Variants in PCGF6 observed in about 807,000 individuals in gnomAD.
The protein encoded by PCGF6 is polycomb group RING finger protein 6.
A neutral mutation model predicts 45.5 loss-of-function variants in PCGF6; 24 were observed. The ratio of observed to expected loss-of-function variants is 0.53; its 90% CI spans 0.38 to 0.74. The LOEUF (loss-of-function observed/expected upper bound fraction) is 0.74, where lower values mean the gene tolerates loss of function less well. Ranked by LOEUF, PCGF6 falls within the 30% of genes least tolerant of loss-of-function variation. The pLI, the probability that PCGF6 is intolerant of heterozygous loss-of-function variation, is 0.00. For synonymous variants in PCGF6, 152 were observed against 162.1 expected, an observed-to-expected ratio of 0.94 and a Z score of 0.47; for missense variants, 356 against 443.2, an observed-to-expected ratio of 0.80 and a Z score of 1.77.
At chr10:103,317,757 T>C (rs2093181345) in intron 8 of PCGF6, among the ~76,000 whole-genome samples, 1 of 151,442 alleles carries the variant, frequency 6.6e-6, no homozygotes, top group South Asian at 2.1e-4. Context: ...TCAGTTTCTT[T>C]TTTCTGTTTT....
intron 8 of PCGF6, among the ~76,000 whole-genome samples, chr10:103,320,381 A>C (rs546768228): frequency 6.6e-6 from 1 of 152,290 alleles, no homozygotes; most frequent in East Asian, 1.9e-4. Context: ...AAATGAACTT[A>C]AATCTTTCTT....
chr10:103,315,968 ATGTGTGTGTGTG>A (rs755606997), intron 8 of PCGF6, among the ~76,000 whole-genome samples: 48 of 118,962 alleles, frequency 4.0e-4, no homozygotes, highest in African/African-American at 9.4e-4. Context: ...AACAGCTTAT[ATGTGTGTGTGTG>A]TGTGTGTGTG....
At chr10:103,310,646 G>T (rs2093153961) in intron 9 of PCGF6, among the ~76,000 whole-genome samples, 1 of 151,874 alleles carries the variant, frequency 6.6e-6, no homozygotes, top group Non-Finnish European at 1.5e-5. Context: ...TTGAGCAGTT[G>T]TTCCATTGAG....
chr10:103,306,471 G>C (rs977967509), intron 9 of PCGF6, among the ~76,000 whole-genome samples: 3 of 152,108 alleles, frequency 2.0e-5, no homozygotes, highest in Admixed American at 6.6e-5. Context: ...AAGGTCATTG[G>C]GAAATGTGCC....
chr10:103,336,327 ATTATT>A (rs1259799324), intron 6 of PCGF6, among the ~76,000 whole-genome samples: 1 of 151,308 alleles, frequency 6.6e-6, no homozygotes, highest in Non-Finnish European at 1.5e-5. Context: ...TAAATGATAT[ATTATT>A]TTATATGAAA....
At chr10:103,343,904 C>T (rs1193885633) in intron 6 of PCGF6, among the ~76,000 whole-genome samples, 1 of 147,520 alleles carries the variant, frequency 6.8e-6, no homozygotes, top group East Asian at 2.0e-4. Context: ...AGGAACATAC[C>T]CTAAGACTCA....
At chr10:103,313,855 A>G (rs2093165660) in intron 9 of PCGF6, among the ~76,000 whole-genome samples, 1 of 152,164 alleles carries the variant, frequency 6.6e-6, no homozygotes, top group Non-Finnish European at 1.5e-5. Context: ...TTTAGAATCA[A>G]ACTGCCTAGA....
intron 8 of PCGF6, 107 bp from the exon 9 acceptor site, chr10:103,314,379 T>C (rs1249240499): frequency 7.0e-6 from 5 of 713,746 alleles, no homozygotes; most frequent in Non-Finnish European, 1.2e-5. Context: ...GATTTTGTAA[T>C]TTTATTTTAG....
chr10:103,338,277 C>T (rs138962841), intron 6 of PCGF6, among the ~76,000 whole-genome samples: 1,929 of 151,814 alleles, frequency 0.013, 55 homozygotes, highest in African/African-American at 0.045. Context: ...GGTGCAGTGG[C>T]TCATGCCTCT....
At chr10:103,344,061 AAAGAT>A (rs1326386843) in intron 6 of PCGF6, among the ~76,000 whole-genome samples, 6 of 152,090 alleles carry the variant, frequency 3.9e-5, no homozygotes, top group South Asian at 2.1e-4. Context: ...CAGAACAGGA[AAAGAT>A]AAGAAATAAT....
intron 9 of PCGF6, among the ~76,000 whole-genome samples, chr10:103,311,299 G>A (rs931263286): frequency 2.2e-4 from 33 of 151,138 alleles, no homozygotes; most frequent in African/African-American, 2.7e-4. Context: ...CTGCCACCAC[G>A]CCCAGCTAAT....
At chr10:103,310,271 A>T (rs2093152569) in intron 9 of PCGF6, among the ~76,000 whole-genome samples, 1 of 151,736 alleles carries the variant, frequency 6.6e-6, no homozygotes, top group African/African-American at 2.4e-5. Flanking sequence ...CTTAAAAAAA[A>T]AAAAAGAAAG....
chr10:103,318,520 G>A (rs1011108811), intron 8 of PCGF6, among the ~76,000 whole-genome samples: 14 of 151,438 alleles, frequency 9.2e-5, no homozygotes, highest in Admixed American at 6.6e-4. Context: ...TGAGGCAGGC[G>A]GATCACAAGG....
At chr10:103,343,452 G>C (rs1393785186) in intron 6 of PCGF6, among the ~76,000 whole-genome samples, 2 of 152,024 alleles carry the variant, frequency 1.3e-5, no homozygotes, top group East Asian at 3.8e-4. Flanking sequence ...AAACTAGTTT[G>C]ATACATGCCA....
intron 7 of PCGF6, among the ~76,000 whole-genome samples, chr10:103,331,695 C>T (rs1196818437): frequency 6.6e-6 from 1 of 152,132 alleles, no homozygotes; most frequent in African/African-American, 2.4e-5. Context: ...CATCTCTTTC[C>T]TTTTTAATTT....
At position 103,343,897 on chromosome 10, in the gene PCGF6, A is replaced by G. The variant is rs558185363; in HGVS notation, c.782+1127T>C. Among the ~76,000 whole-genome samples, 5 of 150,126 alleles carry G rather than the reference A, an allele frequency of 3.3e-5. No individual in the cohort carries two copies. In the South Asian group the frequency reaches 1.1e-3, roughly 32 times the overall value. On this transcript the variant is annotated intron_variant, in intron 6 of 9. Transcript: ENST00000369847. Reference sequence around the variant, plus strand: ...GCAAAATCAGGTAAAGTTGAAGAGGAACATACCCTAAGACTCAGTAAATCT... The same window carrying G: ...GCAAAATCAGGTAAAGTTGAAGAGGGACATACCCTAAGACTCAGTAAATCT...
chr10:103,332,292 G>A (rs2093242976), intron 7 of PCGF6, among the ~76,000 whole-genome samples: 2 of 152,022 alleles, frequency 1.3e-5, no homozygotes, highest in Non-Finnish European at 2.9e-5. Context: ...TATCTTTTCT[G>A]TTTTTAAGAC....
At chr10:103,306,514 T>C (rs1293938591) in intron 9 of PCGF6, among the ~76,000 whole-genome samples, 4 of 152,050 alleles carry the variant, frequency 2.6e-5, no homozygotes, top group East Asian at 1.9e-4. Flanking sequence ...AGAGAAGGGG[T>C]TGCAGCTCAT....
At position 103,341,423 on chromosome 10, in the gene PCGF6, ATTTTTGTATTTTTTGTTTG is replaced by A. The variant is rs2093280371; in HGVS notation, c.782+3582_782+3600del. Reference sequence around the variant, plus strand: ...AGGCGCGCACCACCATGCCTGGCTAATTTTTGTATTTTTTGTTTGTTTTTGTATTTTTCGAGACGGAGTT... The same window carrying A: ...AGGCGCGCACCACCATGCCTGGCTAATTTTTGTATTTTTCGAGACGGAGTT... On this transcript the variant is annotated intron_variant, in intron 6 of 9. Transcript: ENST00000369847. Among the ~76,000 whole-genome samples, 17 of 148,458 alleles carry A rather than the reference ATTTTTGTATTTTTTGTTTG, an allele frequency of 1.1e-4. 1 individual carries two copies. In the South Asian group the frequency reaches 3.7e-3, roughly 32 times the overall value.
Sources: gnomAD v4.1 joint callset for allele counts (sites outside exome capture counted in the v4.1 genomes callset) on GRCh38, gnomAD v4.1.1 for gene constraint, MANE v1.5 for transcripts, NCBI Gene and HGNC (gene_info 2026-07-23, HGNC 2026-07-21) for gene names.